MAPK14: variants seen among roughly 807,000 people sequenced by gnomAD.
MAPK14 encodes the protein CSAID-binding protein.
In MAPK14, 16 loss-of-function variants were observed where a neutral mutation model predicts 49.6. That is an observed-to-expected ratio of 0.32 (90% CI 0.22 to 0.49). The LOEUF (loss-of-function observed/expected upper bound fraction) is 0.49. Among genes scored for constraint, MAPK14 ranks in the 20% least tolerant of loss-of-function variants. The pLI is 0.99. For synonymous variants in MAPK14, 142 were observed against 158.0 expected (o/e 0.90, Z 0.76); for missense variants, 200 against 441.2 (o/e 0.45, Z 4.90).
intron 3 of MAPK14, among the ~76,000 whole-genome samples, chr6:36,062,657 C>CTT (rs1763869138): frequency 8.4e-6 from 1 of 118,528 alleles, no homozygotes. Flanking sequence ...TTTTCTTTTT[C>CTT]TTTTCTTTTT....
chr6:36,079,335 TCTTC>T (rs1461331067), intron 8 of MAPK14, among the ~76,000 whole-genome samples: 1 of 152,208 alleles, frequency 6.6e-6, no homozygotes, highest in Non-Finnish European at 1.5e-5. Flanking sequence ...CCTCATACCC[TCTTC>T]CTTCAGCCTG....
chr6:36,041,650 A>G (rs1762965480), intron 1 of MAPK14, among the ~76,000 whole-genome samples: 1 of 152,244 alleles, frequency 6.6e-6, no homozygotes, highest in African/African-American at 2.4e-5. Flanking sequence ...TGTCATCATT[A>G]GCACTGATGA....
chr6:36,058,569 CTG>C (rs1459803149), intron 2 of MAPK14, among the ~76,000 whole-genome samples: 2 of 152,084 alleles, frequency 1.3e-5, no homozygotes, highest in Non-Finnish European at 2.9e-5. Context: ...TGTTATGGAA[CTG>C]AGGTAGCTGG....
At chr6:36,040,014 A>T (rs904105380) in intron 1 of MAPK14, among the ~76,000 whole-genome samples, 5 of 151,660 alleles carry the variant, frequency 3.3e-5, no homozygotes, top group African/African-American at 9.7e-5. Context: ...AAAAAAAAAG[A>T]AAGTATCAGT....
At chr6:36,085,068 C>CT (rs1443765198) in intron 8 of MAPK14, among the ~76,000 whole-genome samples, 1 of 152,162 alleles carries the variant, frequency 6.6e-6, no homozygotes, top group Non-Finnish European at 1.5e-5. Flanking sequence ...TCTGGCCAAA[C>CT]TAAGCTTCAT....
chr6:36,097,303 A>G (rs1765478181), intron 9 of MAPK14: 2 of 152,228 alleles, frequency 1.3e-5, no homozygotes, highest in South Asian at 4.1e-4. Context: ...TAGATCCCAG[A>G]TGTTCTGATA....
At chr6:36,073,156 T>G (rs1322647216) in intron 4 of MAPK14, 172 bp downstream of exon 4, 3 of 609,616 alleles carry the variant, frequency 4.9e-6, no homozygotes, top group Non-Finnish European at 8.8e-6. Context: ...GTGACAACAG[T>G]TACCGACATA....
intron 8 of MAPK14, among the ~76,000 whole-genome samples, chr6:36,080,185 A>C (rs1581804559): frequency 6.6e-6 from 1 of 152,170 alleles, no homozygotes; most frequent in East Asian, 1.9e-4. Context: ...TGATCCGCCC[A>C]CCTTAGCCTC....
intron 10 of MAPK14, among the ~76,000 whole-genome samples, chr6:36,103,817 G>A (rs906221952): frequency 6.6e-6 from 1 of 152,180 alleles, no homozygotes; most frequent in Non-Finnish European, 1.5e-5. Context: ...CTATGGTAAC[G>A]AGTATAATCT....
At chr6:36,050,710 A>G (rs1226769670) in intron 1 of MAPK14, among the ~76,000 whole-genome samples, 1 of 152,160 alleles carries the variant, frequency 6.6e-6, no homozygotes, top group East Asian at 1.9e-4. Flanking sequence ...GAACAAACGG[A>G]AAGTAATGGT....
downstream of MAPK14, among the ~76,000 whole-genome samples, chr6:36,111,705 C>T (rs1289511537): frequency 6.6e-6 from 1 of 152,114 alleles, no homozygotes; most frequent in African/African-American, 2.4e-5. Context: ...GAATGACACC[C>T]AGCAGGTGTC....
intron 2 of MAPK14, among the ~76,000 whole-genome samples, chr6:36,057,520 T>G (rs1763633939): frequency 6.6e-6 from 1 of 152,216 alleles, no homozygotes; most frequent in African/African-American, 2.4e-5. Context: ...CACCACCTCC[T>G]TTTCAGGTTC....
At chr6:36,073,180 T>A in intron 4 of MAPK14, 196 bp downstream of exon 4, 1 of 563,374 alleles carries the variant, frequency 1.8e-6, no homozygotes, top group South Asian at 2.0e-5. Flanking sequence ...CCAATCATGT[T>A]TCTTTTGTAT....
chr6:36,048,256 T>C (rs1763260963), intron 1 of MAPK14, among the ~76,000 whole-genome samples: 1 of 151,992 alleles, frequency 6.6e-6, no homozygotes, highest in Non-Finnish European at 1.5e-5. Flanking sequence ...TTGGCCAGAC[T>C]GGTATTGAAC....
chr6:36,097,448 G>T (rs1238569626), intron 9 of MAPK14: 1 of 152,136 alleles, frequency 6.6e-6, no homozygotes, highest in Non-Finnish European at 1.5e-5. Context: ...GTGAATCAAA[G>T]ATATCAGATG....
chr6:36,043,566 A>C (rs1763048381), intron 1 of MAPK14, among the ~76,000 whole-genome samples: 1 of 152,346 alleles, frequency 6.6e-6, no homozygotes, highest in South Asian at 2.1e-4. Context: ...CATGTGCAGA[A>C]AAATATTTCC....
intron 1 of MAPK14, among the ~76,000 whole-genome samples, chr6:36,032,528 A>T (rs780377775): frequency 6.6e-6 from 1 of 152,200 alleles, no homozygotes; most frequent in African/African-American, 2.4e-5. Context: ...CCTCTGGGGT[A>T]GGGTTCTTCC....
chr6:36,037,007 C>T (rs990718976), intron 1 of MAPK14, among the ~76,000 whole-genome samples: 8 of 152,124 alleles, frequency 5.3e-5, no homozygotes, highest in African/African-American at 1.7e-4. Context: ...TCCCAAAGTG[C>T]TGAGAGTAAT....
rs150156155 is a variant in MAPK14, at chr6:36,042,692, C to A, written c.117-10007C>A. On this transcript the variant is annotated intron_variant, in intron 1 of 11. Coordinates refer to ENST00000229794, the MANE Select transcript of MAPK14 (RefSeq NM_139012.3). Reference sequence around the variant, plus strand: ...TTTTTTTCGTAGACACGAGGTCTCACTATGTCATGAAGTTGCCCAGGCTGG... The same window carrying A: ...TTTTTTTCGTAGACACGAGGTCTCAATATGTCATGAAGTTGCCCAGGCTGG... 2.3e-3 allele frequency among the ~76,000 whole-genome samples: 354 copies of A among 151,302 alleles called. 2 individuals are homozygous for A. Among genetic ancestry groups the A allele is most frequent in the African/African-American group, 8.2e-3 (336 of 41,204 alleles).
Sources: gnomAD v4.1 joint callset for allele counts (sites outside exome capture counted in the v4.1 genomes callset) on GRCh38, gnomAD v4.1.1 for gene constraint, MANE v1.5 for transcripts, NCBI Gene and HGNC (gene_info 2026-07-23, HGNC 2026-07-21) for gene names.